The following TECRL variants were observed in gnomAD, a reference collection of about 807,000 sequenced individuals.
TECRL encodes the protein trans-2,3-enoyl-CoA reductase like, also known as trans-2,3-enoyl-CoA reductase-like.
Under a neutral mutation model 52.8 loss-of-function variants are expected in TECRL, and 63 were observed. The observed-to-expected ratio is 1.19, with a 90% CI of 0.97 to 1.47. The LOEUF is 1.47. Ranked by LOEUF, TECRL falls within the 40% of genes most tolerant of loss-of-function variation. The pLI is 0.00. For synonymous variants in TECRL, 164 were observed against 141.9 expected (o/e 1.16, Z -1.10); for missense variants, 482 against 429.6 (o/e 1.12, Z -1.08).
chr4:64,399,580 T>A (rs553660043), intron 1 of TECRL, among the ~76,000 whole-genome samples: 180 of 152,226 alleles, frequency 1.2e-3, no homozygotes, highest in African/African-American at 4.3e-3. Flanking sequence ...AACAGAATGG[T>A]TTCCTGGGCC....
intron 6 of TECRL, 109 bp from the exon 7 acceptor site, chr4:64,305,347 A>G (rs1724267729): frequency 2.3e-6 from 2 of 858,616 alleles, no homozygotes; most frequent in Admixed American, 2.1e-5. Context: ...ACCACCACAT[A>G]CATTTATATT....
chr4:64,351,740 A>G (rs546491719), intron 2 of TECRL, among the ~76,000 whole-genome samples: 1 of 152,356 alleles, frequency 6.6e-6, no homozygotes, highest in South Asian at 2.1e-4. Flanking sequence ...AAAAGATTTT[A>G]AAACATTGTA....
At chr4:64,305,436 T>G (rs533208141) in intron 6 of TECRL, among the ~76,000 whole-genome samples, 198 bp from the exon 7 acceptor site, 103 of 152,144 alleles carry the variant, frequency 6.8e-4, no homozygotes, top group African/African-American at 2.3e-3. Context: ...CCCAATGTAA[T>G]AGTGAGAGAG....
At chr4:64,396,432 G>A (rs1387725534) in intron 1 of TECRL, among the ~76,000 whole-genome samples, 1 of 152,060 alleles carries the variant, frequency 6.6e-6, no homozygotes, top group Non-Finnish European at 1.5e-5. Context: ...GTAATGTTGA[G>A]TATTTTTTTC....
chr4:64,305,220 C>G lies in TECRL; in HGVS notation c.676G>C (p.Gly226Arg). The G allele has an allele frequency of 6.2e-7, 1 of 1,611,914 alleles. No individual in the cohort carries two copies. Among genetic ancestry groups the G allele is most frequent in the Non-Finnish European group, 8.5e-7 (1 of 1,178,860 alleles). Reference sequence around the variant, plus strand: ...TAGTAGGCAATCCAAGAAGTAAATCCCCAGTAAAAGGCACAACTCTGCAAA... The same window carrying G: ...TAGTAGGCAATCCAAGAAGTAAATCGCCAGTAAAAGGCACAACTCTGCAAA... ...NLIMSCAFYW[G>R]FTSWIAYYIN... The change falls in exon 7 of 12, where the codon GGA (glycine) becomes CGA (arginine). Residue 226 changes from glycine to arginine, a missense_variant. Physicochemically the swap from Gly to Arg is moderately radical, Grantham distance 125 (BLOSUM62 -2). Coordinates refer to ENST00000381210, the MANE Select transcript of TECRL (RefSeq NM_001010874.5).
At chr4:64,374,889 T>G (rs1455159140) in intron 2 of TECRL, among the ~76,000 whole-genome samples, 2 of 152,160 alleles carry the variant, frequency 1.3e-5, no homozygotes, top group African/African-American at 4.8e-5. Context: ...CATGTGTCTT[T>G]ATAACATATA....
chr4:64,289,498 C>T (rs1723256884), intron 9 of TECRL, among the ~76,000 whole-genome samples: 1 of 151,954 alleles, frequency 6.6e-6, no homozygotes, highest in African/African-American at 2.4e-5. Context: ...AGGGTGATAG[C>T]GTGCATGCAC....
chr4:64,277,125 T>C, downstream of TECRL: 2 of 1,023,986 alleles, frequency 2.0e-6, no homozygotes, highest in South Asian at 1.6e-5. Context: ...AAGGTATGTC[T>C]GCCAACAGTA....
chr4:64,377,437 A>G (rs982416681), intron 1 of TECRL, among the ~76,000 whole-genome samples: 1 of 152,088 alleles, frequency 6.6e-6, no homozygotes, highest in African/African-American at 2.4e-5. Context: ...TAGTTATCAT[A>G]ACTTCCACTT....
chr4:64,355,449 G>A (rs961613862), intron 2 of TECRL, among the ~76,000 whole-genome samples: 11 of 151,990 alleles, frequency 7.2e-5, no homozygotes, highest in African/African-American at 2.7e-4. Flanking sequence ...GACCAACATA[G>A]GTTTTAGACT....
intron 1 of TECRL, among the ~76,000 whole-genome samples, chr4:64,385,053 A>G (rs1020244881): frequency 1.3e-5 from 2 of 152,160 alleles, no homozygotes; most frequent in Non-Finnish European, 2.9e-5. Flanking sequence ...ATCTGCTGTC[A>G]GGTTTTCCTG....
At chr4:64,286,427 G>A (rs1723084810) in intron 9 of TECRL, among the ~76,000 whole-genome samples, 1 of 151,862 alleles carries the variant, frequency 6.6e-6, no homozygotes, top group Non-Finnish European at 1.5e-5. Flanking sequence ...AAGTGATAGA[G>A]AAGCTAGAGA....
intron 6 of TECRL, among the ~76,000 whole-genome samples, chr4:64,305,855 C>T (rs1184489419): frequency 6.6e-6 from 1 of 152,154 alleles, no homozygotes; most frequent in African/African-American, 2.4e-5. Context: ...GTCTTTGCCA[C>T]ATAAAAGACT....
intron 1 of TECRL, among the ~76,000 whole-genome samples, chr4:64,395,959 G>T (rs1473527999): frequency 6.6e-6 from 1 of 152,094 alleles, no homozygotes; most frequent in Non-Finnish European, 1.5e-5. Context: ...ATTCACTTAG[G>T]ATAATGGCCT....
At position 64,356,428 on chromosome 4, in the gene TECRL, A is replaced by G. The variant is rs544130461; in HGVS notation, c.286+18744T>C. Reference sequence around the variant, plus strand: ...TAAAACCTGATTGTACATTTGTTCAATTCTGAGATAGGAGAAAAACCGCCC... The same window carrying G: ...TAAAACCTGATTGTACATTTGTTCAGTTCTGAGATAGGAGAAAAACCGCCC... On this transcript the variant is annotated intron_variant, in intron 2 of 11. Coordinates refer to ENST00000381210, the MANE Select transcript of TECRL (RefSeq NM_001010874.5). Among the ~76,000 whole-genome samples the G allele has an allele frequency of 2.6e-4, 39 of 152,268 alleles. No individual in the cohort carries two copies. In the South Asian group the frequency reaches 3.5e-3, roughly 14 times the overall value.
At chr4:64,371,875 A>G (rs1721998199) in intron 2 of TECRL, among the ~76,000 whole-genome samples, 1 of 151,838 alleles carries the variant, frequency 6.6e-6, no homozygotes, top group South Asian at 2.1e-4. Flanking sequence ...TAATAAAGTC[A>G]TATTTTATCC....
At chr4:64,311,708 CAA>C (rs1560489125) in intron 5 of TECRL, among the ~76,000 whole-genome samples, 1 of 152,124 alleles carries the variant, frequency 6.6e-6, no homozygotes, top group African/African-American at 2.4e-5. Flanking sequence ...GCTAACTCAT[CAA>C]GTCTGATTTT....
intron 8 of TECRL, among the ~76,000 whole-genome samples, chr4:64,293,142 A>G (rs1723484675): frequency 6.6e-6 from 1 of 152,134 alleles, no homozygotes; most frequent in African/African-American, 2.4e-5. Flanking sequence ...TCATAAGGAT[A>G]AATACAAAAT....
chr4:64,306,714 C>T (rs899452644), intron 6 of TECRL, among the ~76,000 whole-genome samples: 7 of 152,142 alleles, frequency 4.6e-5, no homozygotes, highest in African/African-American at 1.7e-4. Context: ...CTATTTCTCC[C>T]TGGGTGACTA....
Sources: gnomAD v4.1 joint callset for allele counts (sites outside exome capture counted in the v4.1 genomes callset) on GRCh38, gnomAD v4.1.1 for gene constraint, MANE v1.5 for transcripts, NCBI Gene and HGNC (gene_info 2026-07-23, HGNC 2026-07-21) for gene names.